GPC6: variants seen among roughly 807,000 people sequenced by gnomAD.
GPC6 encodes glypican 6, also known as glypican-6.
In GPC6, 14 loss-of-function variants were observed where a neutral mutation model predicts 55.2. The ratio of observed to expected loss-of-function variants is 0.25; its 90% confidence interval spans 0.17 to 0.40. The LOEUF is 0.40. Ranked by LOEUF, GPC6 falls within the 10% of genes least tolerant of loss-of-function variation. The pLI is 1.00. For synonymous variants in GPC6, 278 were observed against 259.6 expected (o/e 1.07, Z -0.68); for missense variants, 641 against 708.5 (o/e 0.90, Z 1.08).
At chr13:93,978,624 A>G (rs575361773) in intron 3 of GPC6, among the ~76,000 whole-genome samples, 1 of 152,210 alleles carries the variant, frequency 6.6e-6, no homozygotes, top group African/African-American at 2.4e-5. Flanking sequence ...TTCTTAGTCA[A>G]TTTCTACTCT....
chr13:93,897,736 T>A (rs965914825), intron 3 of GPC6, among the ~76,000 whole-genome samples: 3 of 152,076 alleles, frequency 2.0e-5, no homozygotes, highest in Non-Finnish European at 4.4e-5. Flanking sequence ...GTCCCCCCCA[T>A]CTGTTAAAAA....
intron 3 of GPC6, among the ~76,000 whole-genome samples, chr13:93,867,511 T>C (rs1031817008): frequency 1.3e-5 from 2 of 151,760 alleles, no homozygotes; most frequent in Non-Finnish European, 1.5e-5. Context: ...ATTAGAATGA[T>C]TATAAAGCCC....
At chr13:94,114,538 G>A (rs1032546051) in intron 4 of GPC6, among the ~76,000 whole-genome samples, 1 of 152,084 alleles carries the variant, frequency 6.6e-6, no homozygotes, top group Non-Finnish European at 1.5e-5. Flanking sequence ...TGGGAAGTTT[G>A]GTTCTGTCTA....
intron 5 of GPC6, among the ~76,000 whole-genome samples, chr13:94,301,001 G>GGT (rs1456771329): frequency 1.3e-5 from 2 of 152,152 alleles, no homozygotes; most frequent in Non-Finnish European, 2.9e-5. Flanking sequence ...CACCTTCACA[G>GGT]TATATCTCAG....
intron 1 of GPC6, among the ~76,000 whole-genome samples, chr13:93,351,997 G>A (rs1880648207): frequency 6.6e-6 from 1 of 152,042 alleles, no homozygotes; most frequent in Non-Finnish European, 1.5e-5. Context: ...AGCGTAAAAG[G>A]AAACCTGCAA....
At chr13:93,387,838 G>A (rs140804811) in intron 1 of GPC6, among the ~76,000 whole-genome samples, 1 of 152,160 alleles carries the variant, frequency 6.6e-6, no homozygotes, top group Non-Finnish European at 1.5e-5. Context: ...TAGGTTCTTG[G>A]GCATAGATTG....
intron 1 of GPC6, among the ~76,000 whole-genome samples, chr13:93,504,219 AAGAC>A (rs1332050588): frequency 1.3e-5 from 2 of 152,172 alleles, no homozygotes; most frequent in Admixed American, 6.5e-5. Context: ...GTTAAAAACA[AAGAC>A]AGATGTTATT....
At chr13:94,271,382 G>GCGCGCACACACACACA (rs1491286473) in intron 4 of GPC6, among the ~76,000 whole-genome samples, 10 of 126,680 alleles carry the variant, frequency 7.9e-5, no homozygotes, top group African/African-American at 3.0e-4. Flanking sequence ...GCGCGCGCGC[G>GCGCGCACACACACACA]CACACACACA....
intron 2 of GPC6, among the ~76,000 whole-genome samples, chr13:93,777,178 G>C (rs1306326079): frequency 3.3e-5 from 5 of 152,190 alleles, no homozygotes; most frequent in African/African-American, 1.2e-4. Flanking sequence ...ATAGGTAAAA[G>C]GATCTCACAC....
rs146894326 is a variant in GPC6 at position 94,180,071 on chromosome 13, AC to A, written c.878-106276del. 8.3e-3 allele frequency among the ~76,000 whole-genome samples: 1,267 copies of A among 152,174 alleles called. 17 individuals carry two copies. The highest frequency in any genetic ancestry group is 0.029 in the African/African-American group (1,216 of 41,506). On this transcript the variant is annotated intron_variant, in intron 4 of 8. Coordinates refer to ENST00000377047, the MANE Select transcript of GPC6 (RefSeq NM_005708.5). ...CACAGGGGGAGGAGGATGTGGACATACCTACAGGATGGGACTCCCTACCCGA... is the reference window on the plus strand; with the variant it reads ...CACAGGGGGAGGAGGATGTGGACATACTACAGGATGGGACTCCCTACCCGA...
At chr13:93,376,903 C>CAA (rs1260885156) in intron 1 of GPC6, among the ~76,000 whole-genome samples, 1 of 151,768 alleles carries the variant, frequency 6.6e-6, no homozygotes. Flanking sequence ...TTCGTGAATG[C>CAA]TTATATTAGG....
intron 3 of GPC6, chr13:93,830,968 A>G (rs1178256378): frequency 5.9e-6 from 1 of 169,180 alleles, no homozygotes; most frequent in Non-Finnish European, 1.3e-5. Flanking sequence ...GCGAATGGAG[A>G]CAAGTTATTG....
chr13:93,722,944 C>A (rs1333880852), intron 2 of GPC6, among the ~76,000 whole-genome samples: 1 of 151,848 alleles, frequency 6.6e-6, no homozygotes, highest in Admixed American at 6.6e-5. Context: ...CCACTTGAGA[C>A]CCCCATGACC....
chr13:93,591,159 GA>G (rs869205783), intron 2 of GPC6, among the ~76,000 whole-genome samples: 9 of 58,512 alleles, frequency 1.5e-4, no homozygotes, highest in Admixed American at 1.4e-3. Context: ...TAAAGCAAAA[GA>G]AAAAAAAAAA....
chr13:94,005,247 A>G (rs977894140), intron 3 of GPC6, among the ~76,000 whole-genome samples: 1 of 152,210 alleles, frequency 6.6e-6, no homozygotes, highest in Non-Finnish European at 1.5e-5. Flanking sequence ...TCTTCCCCTC[A>G]GTTTTAGAAA....
At chr13:93,323,846 T>G (rs1009904213) in intron 1 of GPC6, among the ~76,000 whole-genome samples, 3 of 152,170 alleles carry the variant, frequency 2.0e-5, no homozygotes, top group African/African-American at 7.2e-5. Flanking sequence ...TATTAAATTA[T>G]GCCAGTTAGT....
In GPC6 at chr13:94,403,992, T is replaced by C. The variant is rs1419516707; in HGVS notation, c.*775T>C. On this transcript the variant is annotated 3_prime_UTR_variant, in exon 9 of 9. Coordinates refer to ENST00000377047, the MANE Select transcript of GPC6 (RefSeq NM_005708.5). ...CTTAATGTCTGTCCGCTGTATCCAA[T>C]TGGCACAGATTTTCCCCTTCATCTT... 4 of 152,368 alleles carry C rather than the reference T, an allele frequency of 2.6e-5. No homozygotes were observed. Among genetic ancestry groups the C allele is most frequent in the Non-Finnish European group, 4.4e-5 (3 of 68,170 alleles). 9.4% of individuals were successfully genotyped at this position (152,368 alleles called of 1,614,324 possible).
chr13:93,238,978 A>G (rs1243917681), intron 1 of GPC6, among the ~76,000 whole-genome samples: 2 of 151,864 alleles, frequency 1.3e-5, no homozygotes, highest in Non-Finnish European at 2.9e-5. Context: ...GTTGTGCTAT[A>G]GTATTTGGTT....
chr13:94,379,188 C>A (rs1880043160), intron 6 of GPC6, among the ~76,000 whole-genome samples: 1 of 152,104 alleles, frequency 6.6e-6, no homozygotes, highest in South Asian at 2.1e-4. Context: ...AAAGGCCTTC[C>A]TGATATTGAA....
Sources: gnomAD v4.1 joint callset for allele counts (sites outside exome capture counted in the v4.1 genomes callset) on GRCh38, gnomAD v4.1.1 for gene constraint, MANE v1.5 for transcripts, NCBI Gene and HGNC (gene_info 2026-07-23, HGNC 2026-07-21) for gene names.